Variants in APLP2 observed in about 807,000 individuals in gnomAD.
APLP2 encodes amyloid beta precursor like protein 2.
APLP2 carries 53 observed loss-of-function variants against 89.9 expected under a neutral mutation model. The observed-to-expected ratio is 0.59, with a 90% CI of 0.47 to 0.74. The LOEUF is 0.74. APLP2 is among the 30% of genes least tolerant of loss of function. APLP2 has a pLI of 0.00. For synonymous variants in APLP2, 372 were observed against 348.6 expected (o/e 1.07, Z -0.75); for missense variants, 973 against 975.9 (o/e 1.00, Z 0.04).
chr11:130,137,447 A>G (rs1012814678), intron 13 of APLP2, among the ~76,000 whole-genome samples: 6 of 152,106 alleles, frequency 3.9e-5, no homozygotes, highest in African/African-American at 7.2e-5. Context: ...CCCCACCTCC[A>G]TGTTGCTGAC....
chr11:130,094,047 A>ATTTT (rs138605738), intron 1 of APLP2, among the ~76,000 whole-genome samples: 6 of 76,380 alleles, frequency 7.9e-5, no homozygotes, highest in Admixed American at 1.5e-4. Context: ...TCCCGGCCGT[A>ATTTT]TTTTTTTTTT....
rs915055169 is a variant in APLP2 at position 130,141,282 on chromosome 11, A to G, written c.1924-216A>G. The G allele has an allele frequency of 3.6e-6, 2 of 552,568 alleles. No homozygotes were observed. The highest frequency in any genetic ancestry group is 6.5e-6 in the Non-Finnish European group (2 of 309,746). 34.2% of individuals were successfully genotyped at this position (552,568 alleles called of 1,614,324 possible). On this transcript the variant is annotated intron_variant, in intron 14 of 16. Transcript: ENST00000338167. The surrounding 1 kb of genome is among the most constrained non-coding windows in gnomAD (Gnocchi z 4.2). ...CTTGAAGGAAAATGCATACGGGACCAGCTGCCATAATATAGTCTTCCCTCC... is the reference window on the plus strand; with the variant it reads ...CTTGAAGGAAAATGCATACGGGACCGGCTGCCATAATATAGTCTTCCCTCC...
At chr11:130,126,514 A>G (rs1299274537) in intron 7 of APLP2, among the ~76,000 whole-genome samples, 186 bp from the exon 8 acceptor site, 2 of 152,206 alleles carry the variant, frequency 1.3e-5, no homozygotes, top group Non-Finnish European at 2.9e-5. Context: ...TGGTTGATGA[A>G]TATTGTGTAA....
intron 1 of APLP2, among the ~76,000 whole-genome samples, chr11:130,099,363 A>G (rs1340327609): frequency 6.6e-6 from 1 of 152,240 alleles, no homozygotes. Flanking sequence ...GTAGCACCCT[A>G]TTTATGTTGC....
In APLP2 at chr11:130,110,675, G is replaced by A. The variant is rs764538127; in HGVS notation, c.403+14G>A. The stretch of plus-strand genomic sequence containing the variant: ...TCAAGTGTCTCGGTGAGTGTTCTTG[G>A]TTACTTTTCAGGAAGTGCCAGCCCC... On this transcript the variant is annotated intron_variant, in intron 3 of 16. Transcript: ENST00000338167. 3 of 1,598,860 alleles carry A rather than the reference G, an allele frequency of 1.9e-6. No individual in the cohort carries two copies. Among genetic ancestry groups the A allele is most frequent in the Middle Eastern group, 1.7e-4 (1 of 5,934 alleles).
intron 3 of APLP2, among the ~76,000 whole-genome samples, chr11:130,119,955 T>C (rs191406128): frequency 6.6e-6 from 1 of 152,354 alleles, no homozygotes; most frequent in African/African-American, 2.4e-5. Context: ...CCCTAGTCTT[T>C]CTTTAGAAAC....
chr11:130,130,816 A>T (rs1267170430), intron 11 of APLP2, among the ~76,000 whole-genome samples: 1 of 152,202 alleles, frequency 6.6e-6, no homozygotes, highest in Non-Finnish European at 1.5e-5. Context: ...TGTGAGTGTC[A>T]GGGTACATGG....
intron 1 of APLP2, among the ~76,000 whole-genome samples, chr11:130,105,994 C>G (rs1026277072): frequency 5.3e-5 from 8 of 151,912 alleles, no homozygotes; most frequent in African/African-American, 1.9e-4. Context: ...TGAGCCCCCA[C>G]GCCCGGCCGA....
At chr11:130,085,461 A>C (rs200769617) in intron 1 of APLP2, among the ~76,000 whole-genome samples, 17,603 of 150,600 alleles carry the variant, frequency 0.12, 1,309 homozygotes, top group East Asian at 0.24. Flanking sequence ...CAAAAAAAAA[A>C]CCAAAAAACA....
At chr11:130,110,735 A>G in intron 3 of APLP2, 74 bp downstream of exon 3, 1 of 1,490,070 alleles carries the variant, frequency 6.7e-7, no homozygotes, top group African/African-American at 1.4e-5. Context: ...CTTGGCTCAC[A>G]GTGAAATATT....
chr11:130,070,123 C>T (rs1940589287), intron 1 of APLP2, 41 bp downstream of exon 1: 2 of 1,271,836 alleles, frequency 1.6e-6, no homozygotes, highest in Non-Finnish European at 2.0e-6. Context: ...CTCCTTCGCC[C>T]GCCGGAGGAG....
chr11:130,090,073 G>C (rs997764323), intron 1 of APLP2, among the ~76,000 whole-genome samples: 2 of 152,160 alleles, frequency 1.3e-5, no homozygotes, highest in African/African-American at 2.4e-5. Flanking sequence ...CAAGTGAAAT[G>C]ATCTTTGAAT....
At chr11:130,112,352 T>C (rs1210859334) in intron 3 of APLP2, among the ~76,000 whole-genome samples, 1 of 152,166 alleles carries the variant, frequency 6.6e-6, no homozygotes, top group East Asian at 1.9e-4. Flanking sequence ...CTTTTGAAAA[T>C]CGCTGAAAAA....
chr11:130,127,492 A>T (rs756329522), intron 8 of APLP2, among the ~76,000 whole-genome samples: 6 of 152,132 alleles, frequency 3.9e-5, no homozygotes, highest in African/African-American at 1.4e-4. Flanking sequence ...ATTAACCTCA[A>T]TTTTTTTGGT....
At chr11:130,090,677 A>T (rs1041464838) in intron 1 of APLP2, among the ~76,000 whole-genome samples, 1 of 152,102 alleles carries the variant, frequency 6.6e-6, no homozygotes, top group Non-Finnish European at 1.5e-5. Context: ...CTACACAGAC[A>T]CGGCAACCAT....
intron 12 of APLP2, 80 bp downstream of exon 12, chr11:130,133,808 A>C (rs1951211654): frequency 9.0e-7 from 1 of 1,108,722 alleles, no homozygotes; most frequent in Admixed American, 1.8e-5. Context: ...AAGAGTAGAG[A>C]GAGATGAGCA....
intron 3 of APLP2, among the ~76,000 whole-genome samples, chr11:130,115,023 C>T (rs559498821): frequency 3.3e-5 from 5 of 152,066 alleles, no homozygotes; most frequent in South Asian, 2.1e-4. Flanking sequence ...GTTCCACTCT[C>T]GAGAGGTAGC....
chr11:130,083,026 CTTTTTTTTTT>C lies in APLP2; in HGVS notation c.105+12962_105+12971del, dbSNP rs553962550. 6.2e-3 allele frequency among the ~76,000 whole-genome samples: 452 copies of C among 72,530 alleles called. 4 individuals are homozygous for C. The highest frequency in any genetic ancestry group is 0.027 in the African/African-American group (428 of 15,900). The allele number at this position is 72,530 out of a possible 152,430, so 47.6% of individuals were successfully genotyped here. On this transcript the variant is annotated intron_variant, in intron 1 of 16. Coordinates refer to ENST00000338167, the MANE Select transcript of APLP2 (RefSeq NM_001142276.2). ...TATTAACCACTGAAACTTTTCTTTT[CTTTTTTTTTT>C]TTTTTTTTTTTTTTTTTGAGACACG...
chr11:130,075,562 C>G (rs1941982033), intron 1 of APLP2, among the ~76,000 whole-genome samples: 1 of 152,124 alleles, frequency 6.6e-6, no homozygotes, highest in Non-Finnish European at 1.5e-5. Flanking sequence ...TCGTTGAGTA[C>G]CTCTGGGATG....
Sources: gnomAD v4.1 joint callset for allele counts (sites outside exome capture counted in the v4.1 genomes callset) on GRCh38, gnomAD v4.1.1 for gene constraint, Gnocchi (gnomAD v3.1) non-coding constraint, MANE v1.5 for transcripts, NCBI Gene and HGNC (gene_info 2026-07-23, HGNC 2026-07-21) for gene names.